DENND1A: variants seen among roughly 807,000 people sequenced by gnomAD.
DENND1A encodes DENN domain-containing protein 1A.
DENND1A carries 51 observed loss-of-function variants against 113.7 expected under a neutral mutation model. That is an observed-to-expected ratio of 0.45 (90% CI 0.36 to 0.57). DENND1A has a LOEUF of 0.57. Ranked by LOEUF, DENND1A falls within the 20% of genes least tolerant of loss-of-function variation. The pLI is 0.00. For synonymous variants in DENND1A, 565 were observed against 570.8 expected, an observed-to-expected ratio of 0.99 and a Z score of 0.14; for missense variants, 1,258 against 1,395.9, an observed-to-expected ratio of 0.90 and a Z score of 1.57.
At chr9:123,596,951 C>T (rs1275127220) in intron 11 of DENND1A, among the ~76,000 whole-genome samples, 3 of 152,162 alleles carry the variant, frequency 2.0e-5, no homozygotes, top group Admixed American at 6.5e-5. Flanking sequence ...ATGAGCATAA[C>T]GTGTCTGGCA....
chr9:123,905,236 C>T (rs939155822), intron 1 of DENND1A, among the ~76,000 whole-genome samples: 2 of 151,938 alleles, frequency 1.3e-5, no homozygotes, highest in Non-Finnish European at 2.9e-5. Context: ...ACAATGGTAC[C>T]AGCCGCTGCA....
intron 13 of DENND1A, among the ~76,000 whole-genome samples, chr9:123,470,684 C>T (rs2049337907): frequency 6.6e-6 from 1 of 152,150 alleles, no homozygotes; most frequent in Non-Finnish European, 1.5e-5. Context: ...AATTCGTCTC[C>T]ACAAATGAAA....
intron 13 of DENND1A, among the ~76,000 whole-genome samples, chr9:123,514,112 G>C (rs1016349464): frequency 8.0e-6 from 1 of 125,666 alleles, no homozygotes; most frequent in Admixed American, 8.5e-5. Flanking sequence ...GTGTGTGTCT[G>C]TGTGTGTGTC....
At chr9:123,457,603 C>T (rs1031895620) in intron 14 of DENND1A, among the ~76,000 whole-genome samples, 168 bp from the exon 15 acceptor site, 1 of 152,216 alleles carries the variant, frequency 6.6e-6, no homozygotes, top group Non-Finnish European at 1.5e-5. Flanking sequence ...ACTTGGAAAA[C>T]CACACGGCAG....
At chr9:123,512,683 G>A (rs989667091) in intron 13 of DENND1A, among the ~76,000 whole-genome samples, 3 of 152,256 alleles carry the variant, frequency 2.0e-5, no homozygotes, top group African/African-American at 7.2e-5. Context: ...AATATGTGGG[G>A]TGGGCATGTG....
At chr9:123,690,727 T>C (rs2065137691) in intron 5 of DENND1A, among the ~76,000 whole-genome samples, 1 of 152,250 alleles carries the variant, frequency 6.6e-6, no homozygotes, top group Non-Finnish European at 1.5e-5. Context: ...CCCCGCTGGC[T>C]ACCAACTTCC....
chr9:123,630,204 C>CTTT (rs11324537), intron 10 of DENND1A, among the ~76,000 whole-genome samples, 172 bp downstream of exon 10: 135 of 94,104 alleles, frequency 1.4e-3, no homozygotes, highest in East Asian at 2.3e-3. Flanking sequence ...CCATGACTGG[C>CTTT]TTTTTTTTTT....
At chr9:123,561,250 C>T (rs2057736750) in intron 12 of DENND1A, among the ~76,000 whole-genome samples, 1 of 152,164 alleles carries the variant, frequency 6.6e-6, no homozygotes, top group Non-Finnish European at 1.5e-5. Context: ...AGGTGAGCCT[C>T]TCCTAATGGC....
chr9:123,913,363 A>C (rs898022822), intron 1 of DENND1A, among the ~76,000 whole-genome samples: 5 of 152,176 alleles, frequency 3.3e-5, no homozygotes, highest in African/African-American at 1.2e-4. Flanking sequence ...GCCAGGAAAT[A>C]GTCAAATCAA....
chr9:123,500,288 C>A lies in DENND1A; in HGVS notation c.994-42391G>T, dbSNP rs572638440. 5.0e-4 allele frequency among the ~76,000 whole-genome samples: 76 copies of A among 152,292 alleles called. No individual in the cohort carries two copies. The South Asian group carries it at 0.016, about 31-fold the overall frequency. On this transcript the variant is annotated intron_variant, in intron 13 of 23. Transcript: ENST00000394215. ...CATTCAGAGAAGACAGATACAAAAG[C>A]CCTTCATAGGCCACCACGTCTCAGG...
chr9:123,394,321 G>A (rs921934865), intron 21 of DENND1A, among the ~76,000 whole-genome samples: 2 of 152,246 alleles, frequency 1.3e-5, no homozygotes, highest in Middle Eastern at 3.4e-3. Flanking sequence ...ATGACCTGGA[G>A]GCATCTCCGA....
chr9:123,749,236 G>A (rs895603450), intron 5 of DENND1A, among the ~76,000 whole-genome samples: 4 of 152,130 alleles, frequency 2.6e-5, no homozygotes, highest in African/African-American at 9.7e-5. Flanking sequence ...ATAAGATGAG[G>A]GTGAGCTGTA....
intron 5 of DENND1A, among the ~76,000 whole-genome samples, chr9:123,724,717 T>G: frequency 6.6e-6 from 1 of 152,056 alleles, no homozygotes; most frequent in Admixed American, 6.5e-5. Flanking sequence ...CAGGTCATCT[T>G]CCAAAAAGGG....
chr9:123,496,655 A>G (rs1372378557), intron 13 of DENND1A, among the ~76,000 whole-genome samples: 1 of 152,240 alleles, frequency 6.6e-6, no homozygotes, highest in Non-Finnish European at 1.5e-5. Context: ...AAATCTGCAG[A>G]TCTGCGGAAC....
At chr9:123,429,131 T>C (rs562963470) in intron 19 of DENND1A, among the ~76,000 whole-genome samples, 1 of 152,324 alleles carries the variant, frequency 6.6e-6, no homozygotes, top group African/African-American at 2.4e-5. Flanking sequence ...GCTACTTGAC[T>C]TCAAACTATA....
intron 19 of DENND1A, among the ~76,000 whole-genome samples, chr9:123,430,076 C>T (rs532121279): frequency 1.3e-5 from 2 of 152,148 alleles, no homozygotes; most frequent in South Asian, 4.1e-4. Context: ...GGCCAATGAA[C>T]ATATGAAAAA....
At chr9:123,666,449 C>T (rs1258168346) in intron 8 of DENND1A, among the ~76,000 whole-genome samples, 1 of 152,130 alleles carries the variant, frequency 6.6e-6, no homozygotes, top group Non-Finnish European at 1.5e-5. Context: ...ATGCTTCACC[C>T]ACAAATACTT....
At chr9:123,540,423 G>A (rs1348557530) in intron 13 of DENND1A, among the ~76,000 whole-genome samples, 6 of 152,196 alleles carry the variant, frequency 3.9e-5, no homozygotes, top group Admixed American at 3.9e-4. Flanking sequence ...GCCTGCCACT[G>A]GGCCTGGTAC....
chr9:123,705,131 A>C (rs1397035679), intron 5 of DENND1A, among the ~76,000 whole-genome samples: 1 of 152,208 alleles, frequency 6.6e-6, no homozygotes, highest in Non-Finnish European at 1.5e-5. Flanking sequence ...AGAACAAATA[A>C]GTGAATTAGT....
Sources: gnomAD v4.1 joint callset for allele counts (sites outside exome capture counted in the v4.1 genomes callset) on GRCh38, gnomAD v4.1.1 for gene constraint, MANE v1.5 for transcripts, NCBI Gene and HGNC (gene_info 2026-07-23, HGNC 2026-07-21) for gene names.